Variants in CACNA1C observed in about 807,000 individuals in gnomAD.
The protein encoded by CACNA1C is voltage-dependent L-type calcium channel subunit alpha-1C.
In CACNA1C, 30 loss-of-function variants were observed where a neutral mutation model predicts 229.0. That is an observed-to-expected ratio of 0.13 (90% CI 0.10 to 0.18). CACNA1C has a LOEUF of 0.18. Ranked by LOEUF, CACNA1C falls within the 10% of genes least tolerant of loss-of-function variation. The pLI is 1.00. For synonymous variants in CACNA1C, 1,114 were observed against 1,132.5 expected (o/e 0.98, Z 0.33); for missense variants, 1,658 against 2,845.0 (o/e 0.58, Z 9.49).
At chr12:2,471,722 G>T (rs964601832) in intron 5 of CACNA1C, among the ~76,000 whole-genome samples, 1 of 151,370 alleles carries the variant, frequency 6.6e-6, no homozygotes, top group East Asian at 1.9e-4. Flanking sequence ...TCGCTCTGTC[G>T]CCCAGACTGG....
At chr12:2,000,865 C>G (rs548521724) in intron 1 of CACNA1C, among the ~76,000 whole-genome samples, 1 of 152,016 alleles carries the variant, frequency 6.6e-6, no homozygotes, top group Non-Finnish European at 1.5e-5. Flanking sequence ...GGTGAAACCC[C>G]GTCTCTACTA....
intron 1 of CACNA1C, among the ~76,000 whole-genome samples, chr12:2,110,468 G>A (rs1238441684): frequency 6.6e-6 from 1 of 152,222 alleles, no homozygotes; most frequent in African/African-American, 2.4e-5. Context: ...GACTTAAATG[G>A]TGGCATCCTT....
At chr12:1,986,370 C>A (rs557421044) in intron 1 of CACNA1C, among the ~76,000 whole-genome samples, 11 of 152,304 alleles carry the variant, frequency 7.2e-5, no homozygotes, top group African/African-American at 2.4e-4. Context: ...AGTCTTCCGA[C>A]TACAAAGTCA....
At chr12:2,164,834 A>G (rs1190550210) in intron 3 of CACNA1C, among the ~76,000 whole-genome samples, 1 of 152,234 alleles carries the variant, frequency 6.6e-6, no homozygotes, top group African/African-American at 2.4e-5. Flanking sequence ...AATATGTGAG[A>G]TAATACAGGT....
intron 1 of CACNA1C, among the ~76,000 whole-genome samples, chr12:2,102,849 C>G (rs2076937410): frequency 6.6e-6 from 1 of 152,190 alleles, no homozygotes; most frequent in Non-Finnish European, 1.5e-5. Context: ...GTTTTCTGTT[C>G]TTGCACTAGT....
Position 2,677,166 on chromosome 12 carries a change from G to T in CACNA1C, c.4901G>T (p.Arg1634Leu). 1 of 1,613,702 alleles carries T rather than the reference G, an allele frequency of 6.2e-7. No homozygotes were observed. Among genetic ancestry groups the T allele is most frequent in the Non-Finnish European group, 8.5e-7 (1 of 1,179,780 alleles). The change falls in exon 40 of 47, where the codon CGC (arginine) becomes CTC (leucine). Residue 1634 changes from arginine to leucine, a missense_variant. This residue lies in a region of CACNA1C where 590 missense variants were observed against 700.8 expected (regional missense o/e 0.84). Transcript: ENST00000399655. This position sits in a 1 kb window ranked among gnomAD's most constrained non-coding sequence, Gnocchi z 7.4. ...GAGTACTTCCGGAAGTTCAAGAAGCGCAAAGAGCAGGGCCTTGTGGGCAAG... is the reference window on the plus strand; with the variant it reads ...GAGTACTTCCGGAAGTTCAAGAAGCTCAAAGAGCAGGGCCTTGTGGGCAAG... The part of the protein sequence containing the change: ...IQEYFRKFKK[R>L]KEQGLVGKPS...
intron 3 of CACNA1C, among the ~76,000 whole-genome samples, chr12:2,232,356 A>G (rs761534248): frequency 9.4e-5 from 14 of 149,316 alleles, no homozygotes; most frequent in Non-Finnish European, 1.6e-4. Context: ...ATGTTTACTC[A>G]TGATTAGATG....
At chr12:2,380,435 C>T (rs530638055) in intron 3 of CACNA1C, among the ~76,000 whole-genome samples, 3 of 152,272 alleles carry the variant, frequency 2.0e-5, no homozygotes, top group South Asian at 2.1e-4. Context: ...AAGATTGGAA[C>T]GATAGCAAGA....
At chr12:2,660,483 G>A in intron 34 of CACNA1C, 1 of 153,800 alleles carries the variant, frequency 6.5e-6, no homozygotes, top group South Asian at 2.0e-4. Flanking sequence ...CACATGTCCT[G>A]CAACACAAAT....
intron 3 of CACNA1C, among the ~76,000 whole-genome samples, chr12:2,422,469 CA>C (rs2098989005): frequency 6.6e-6 from 1 of 152,064 alleles, no homozygotes; most frequent in Admixed American, 6.6e-5. Flanking sequence ...AGCCTTCCTT[CA>C]AGTCAGTTTC....
intron 9 of CACNA1C, among the ~76,000 whole-genome samples, chr12:2,521,476 G>A (rs1281344007): frequency 6.6e-6 from 1 of 152,202 alleles, no homozygotes; most frequent in Non-Finnish European, 1.5e-5. Context: ...TTGGCAGGGT[G>A]TGGAGCATGA....
chr12:2,101,242 C>G (rs1483135502), intron 1 of CACNA1C, among the ~76,000 whole-genome samples: 2 of 152,164 alleles, frequency 1.3e-5, no homozygotes, highest in Non-Finnish European at 2.9e-5. Flanking sequence ...ATCATTCACA[C>G]CGTGACGAGT....
In CACNA1C at chr12:2,632,619, A is replaced by G. The variant is rs1257840853; in HGVS notation, c.3829-1678A>G. ...CAGAATCAAGTGGTAAAGTCAGGAT[A>G]CTGGTCTTCCCCTTCTGTGCCAGAA... On this transcript the variant is annotated intron_variant, in intron 29 of 46. Transcript: ENST00000399655. The surrounding 1 kb of genome is among the most constrained non-coding windows in gnomAD (Gnocchi z 4.1). Among the ~76,000 whole-genome samples the G allele has an allele frequency of 2.0e-5, 3 of 152,212 alleles. No individual in the cohort carries two copies. The highest frequency in any genetic ancestry group is 6.5e-5 in the Admixed American group (1 of 15,288).
intron 30 of CACNA1C, among the ~76,000 whole-genome samples, chr12:2,640,670 G>T (rs216027): frequency 0.033 from 5,018 of 152,240 alleles, 268 homozygotes; most frequent in African/African-American, 0.11. Context: ...TCAGCATGTC[G>T]GGATACTGGT....
In CACNA1C at chr12:2,178,740, C is replaced by T. The variant is rs116834794; in HGVS notation, c.477+58310C>T. Among the ~76,000 whole-genome samples the T allele has an allele frequency of 9.1e-3, 1,382 of 152,192 alleles. 23 individuals carry two copies. Among genetic ancestry groups the T allele is most frequent in the African/African-American group, 0.031 (1,273 of 41,514 alleles). The stretch of plus-strand genomic sequence containing the variant: ...GACCCGTGATTGTGATTTCTTCCCC[C>T]GTACAAATTCACAGACCCTGAGAAG... On this transcript the variant is annotated intron_variant, in intron 3 of 46. Coordinates refer to ENST00000399655, the MANE Select transcript of CACNA1C (RefSeq NM_000719.7).
intron 1 of CACNA1C, among the ~76,000 whole-genome samples, chr12:1,995,040 A>C (rs942378592): frequency 5.3e-5 from 8 of 152,104 alleles, no homozygotes; most frequent in African/African-American, 1.9e-4. Context: ...GAGGAGTTAG[A>C]TTTGGAGAAA....
At chr12:2,192,049 CACAT>C (rs535812706) in intron 3 of CACNA1C, among the ~76,000 whole-genome samples, 61 of 152,214 alleles carry the variant, frequency 4.0e-4, no homozygotes, top group African/African-American at 7.5e-4. Context: ...TACAGGCACA[CACAT>C]ACACACTCAG....
intron 3 of CACNA1C, among the ~76,000 whole-genome samples, chr12:2,291,496 T>C (rs1268749134): frequency 6.6e-6 from 1 of 152,254 alleles, no homozygotes; most frequent in Non-Finnish European, 1.5e-5. Context: ...TGCAACTGTT[T>C]TAATTACTTC....
At chr12:2,321,801 G>C (rs545687578) in intron 3 of CACNA1C, among the ~76,000 whole-genome samples, 3 of 152,184 alleles carry the variant, frequency 2.0e-5, no homozygotes, top group African/African-American at 4.8e-5. Context: ...GGAACAGCTC[G>C]TGCAAAGTCC....
Sources: gnomAD v4.1 joint callset for allele counts (sites outside exome capture counted in the v4.1 genomes callset) on GRCh38, gnomAD v4.1.1 for gene constraint, gnomAD v4.1.1 regional missense constraint, Gnocchi (gnomAD v3.1) non-coding constraint, MANE v1.5 for transcripts, NCBI Gene and HGNC (gene_info 2026-07-23, HGNC 2026-07-21) for gene names.